Variants in STAU2 observed in about 807,000 individuals in gnomAD.
STAU2 encodes staufen double-stranded RNA binding protein 2, also known as double-stranded RNA-binding protein Staufen homolog 2.
Under a neutral mutation model 65.9 loss-of-function variants are expected in STAU2, and 20 were observed. The ratio of observed to expected loss-of-function variants is 0.30; its 90% CI spans 0.21 to 0.44. The LOEUF is 0.44. Among genes scored for constraint, STAU2 ranks in the 20% least tolerant of loss-of-function variants. STAU2 has a pLI of 1.00. For missense variants in STAU2, 558 were observed against 683.9 expected, an observed-to-expected ratio of 0.82 and a Z score of 2.05; for synonymous variants, 232 against 233.9, an observed-to-expected ratio of 0.99 and a Z score of 0.07.
intron 4 of STAU2, among the ~76,000 whole-genome samples, chr8:73,703,167 G>GA (rs1820243108): frequency 6.6e-6 from 1 of 152,140 alleles, no homozygotes; most frequent in Non-Finnish European, 1.5e-5. Flanking sequence ...GGGGTCTGGG[G>GA]ACTGGATCAT....
At chr8:73,746,676 C>T (rs1807312192) in intron 1 of STAU2, 107 bp downstream of exon 1, 1 of 662,492 alleles carries the variant, frequency 1.5e-6, no homozygotes, top group Non-Finnish European at 2.1e-6. Context: ...TGCTTTTCTC[C>T]GGGTTCCCCG....
chr8:73,744,807 C>T (rs1462467169), intron 1 of STAU2, among the ~76,000 whole-genome samples: 2 of 152,118 alleles, frequency 1.3e-5, no homozygotes, highest in African/African-American at 4.8e-5. Flanking sequence ...ATAATAAATA[C>T]ATAAAATGTT....
chr8:73,718,078 C>T (rs1036133033), intron 3 of STAU2, among the ~76,000 whole-genome samples: 3 of 152,170 alleles, frequency 2.0e-5, no homozygotes, highest in African/African-American at 7.2e-5. Flanking sequence ...AATTATAGAG[C>T]CATTGCTCCC....
chr8:73,460,834 T>C (rs181251232), intron 13 of STAU2, among the ~76,000 whole-genome samples: 160 of 152,296 alleles, frequency 1.1e-3, no homozygotes, highest in Non-Finnish European at 1.9e-3. Flanking sequence ...TTATGGTAGG[T>C]TGGTCACATC....
At chr8:73,550,671 G>A (rs1807268757) in intron 13 of STAU2, 1 of 983,436 alleles carries the variant, frequency 1.0e-6, no homozygotes, top group African/African-American at 1.7e-5. Flanking sequence ...GATTTATTGT[G>A]TTTCTTAAGG....
intron 13 of STAU2, among the ~76,000 whole-genome samples, chr8:73,510,481 A>T (rs1160227105): frequency 6.6e-6 from 1 of 152,218 alleles, no homozygotes; most frequent in African/African-American, 2.4e-5. Context: ...ATGTATTTTT[A>T]CAAGAACTAA....
intron 12 of STAU2, among the ~76,000 whole-genome samples, chr8:73,577,917 T>G (rs78450488): frequency 0.011 from 1,655 of 152,306 alleles, 31 homozygotes; most frequent in African/African-American, 0.038. Flanking sequence ...TTGACTTTTA[T>G]GTGTCCTTTG....
chr8:73,644,001 G>A (rs1023015860), intron 6 of STAU2, among the ~76,000 whole-genome samples: 5 of 152,052 alleles, frequency 3.3e-5, no homozygotes, highest in Non-Finnish European at 5.9e-5. Context: ...AACTAAGAAG[G>A]CAAAATGAAA....
chr8:73,529,381 C>A (rs902844982), intron 13 of STAU2, among the ~76,000 whole-genome samples: 1 of 152,160 alleles, frequency 6.6e-6, no homozygotes, highest in Non-Finnish European at 1.5e-5. Context: ...TGATATAGTG[C>A]TATTATAAAA....
At chr8:73,587,294 T>C (rs1810447677) in intron 11 of STAU2, among the ~76,000 whole-genome samples, 2 of 152,202 alleles carry the variant, frequency 1.3e-5, no homozygotes, top group South Asian at 4.1e-4. Flanking sequence ...AAAAAAAGTT[T>C]ACTTCCCATG....
intron 10 of STAU2, among the ~76,000 whole-genome samples, chr8:73,600,936 T>C (rs1019812012): frequency 4.6e-5 from 7 of 152,234 alleles, no homozygotes; most frequent in Non-Finnish European, 5.9e-5. Flanking sequence ...AGGACTTTCA[T>C]TCCCTGCTAA....
intron 13 of STAU2, among the ~76,000 whole-genome samples, chr8:73,498,779 T>C (rs1200123039): frequency 6.6e-6 from 1 of 151,874 alleles, no homozygotes; most frequent in Admixed American, 6.6e-5. Flanking sequence ...TGTATCCATA[T>C]GTTTTTCAAC....
intron 12 of STAU2, among the ~76,000 whole-genome samples, chr8:73,557,210 G>T (rs1051545258): frequency 2.6e-5 from 4 of 152,186 alleles, no homozygotes; most frequent in African/African-American, 4.8e-5. Context: ...GCATAAGAAC[G>T]TGGAGTTCAG....
At position 73,479,712 on chromosome 8, in the gene STAU2, C is replaced by CGTGTGTGTGTGTGTGTGTGTGTGTGT. The variant is rs5892422; in HGVS notation, c.1531-57036_1531-57011dup. Among the ~76,000 whole-genome samples, 129 of 143,888 alleles carry CGTGTGTGTGTGTGTGTGTGTGTGTGT rather than the reference C, an allele frequency of 9.0e-4. 3 individuals carry two copies. Among genetic ancestry groups the CGTGTGTGTGTGTGTGTGTGTGTGTGT allele is most frequent in the South Asian group, 3.0e-3 (13 of 4,330 alleles). 94.4% of individuals were successfully genotyped at this position (143,888 alleles called of 152,430 possible). ...TCCAACAAAGATACACTTAAATATA[C>CGTGTGTGTGTGTGTGTGTGTGTGTGT]GTGTGTGTGTGTGTGTGTGTGTGTG... On this transcript the variant is annotated intron_variant, in intron 13 of 14. Transcript: ENST00000524300.
At chr8:73,696,331 C>A (rs528514680) in intron 4 of STAU2, among the ~76,000 whole-genome samples, 2 of 152,194 alleles carry the variant, frequency 1.3e-5, no homozygotes, top group Non-Finnish European at 2.9e-5. Flanking sequence ...CAGACACCAA[C>A]AAGTATCTAC....
At chr8:73,677,619 C>T (rs774804798) in intron 5 of STAU2, among the ~76,000 whole-genome samples, 7 of 152,124 alleles carry the variant, frequency 4.6e-5, no homozygotes, top group African/African-American at 1.7e-4. Context: ...CACAACTAAT[C>T]TGGTAGAAAT....
intron 13 of STAU2, among the ~76,000 whole-genome samples, chr8:73,487,472 G>T (rs1041906480): frequency 6.6e-6 from 1 of 152,056 alleles, no homozygotes; most frequent in African/African-American, 2.4e-5. Flanking sequence ...TATGAATGAA[G>T]AATTTACTTC....
intron 12 of STAU2, among the ~76,000 whole-genome samples, chr8:73,579,036 T>C (rs1180633462): frequency 3.5e-5 from 4 of 114,030 alleles, no homozygotes; most frequent in Non-Finnish European, 6.5e-5. Context: ...ATATAGTACA[T>C]AGCATTTGGG....
intron 6 of STAU2, among the ~76,000 whole-genome samples, chr8:73,663,246 G>A (rs1816973763): frequency 6.6e-6 from 1 of 152,120 alleles, no homozygotes; most frequent in Non-Finnish European, 1.5e-5. Context: ...ACACTTTACT[G>A]ACACACACTA....
Sources: gnomAD v4.1 joint callset for allele counts (sites outside exome capture counted in the v4.1 genomes callset) on GRCh38, gnomAD v4.1.1 for gene constraint, MANE v1.5 for transcripts, NCBI Gene and HGNC (gene_info 2026-07-23, HGNC 2026-07-21) for gene names.